Variants in GALNT12 observed in about 807,000 individuals in gnomAD.
The protein encoded by GALNT12 is UDP-GalNAc:polypeptide N-acetylgalactosaminyltransferase 12.
Under a neutral mutation model 55.5 loss-of-function variants are expected in GALNT12, and 45 were observed. The ratio of observed to expected loss-of-function variants is 0.81; its 90% CI spans 0.64 to 1.04. The LOEUF (loss-of-function observed/expected upper bound fraction) is 1.04. Among genes scored for constraint, GALNT12 ranks in the 50% least tolerant of loss-of-function variants. The pLI, the probability that GALNT12 is intolerant of heterozygous loss-of-function variation, is 0.00. For synonymous variants in GALNT12, 304 were observed against 312.2 expected (o/e 0.97, Z 0.28); for missense variants, 709 against 754.8 (o/e 0.94, Z 0.71).
chr9:98,836,125 G>A (rs1001672933), intron 5 of GALNT12, among the ~76,000 whole-genome samples: 8 of 152,182 alleles, frequency 5.3e-5, no homozygotes, highest in Non-Finnish European at 1.0e-4. Flanking sequence ...TAGCTTTAGG[G>A]TGGGACCAAG....
intron 3 of GALNT12, among the ~76,000 whole-genome samples, chr9:98,827,715 G>A (rs1023610323): frequency 1.3e-5 from 2 of 152,168 alleles, no homozygotes; most frequent in Non-Finnish European, 2.9e-5. Flanking sequence ...AGGGAAAAAT[G>A]AATATCATAA....
chr9:98,848,424 C>T (rs779638934), intron 9 of GALNT12, among the ~76,000 whole-genome samples: 6 of 152,138 alleles, frequency 3.9e-5, no homozygotes, highest in Non-Finnish European at 7.4e-5. Context: ...AGAAGACCAT[C>T]GTCTTTGGGG....
chr9:98,808,086 G>A lies in GALNT12; in HGVS notation c.371+17G>A. 1 of 1,558,434 alleles carries A rather than the reference G, an allele frequency of 6.4e-7. No individual in the cohort carries two copies. The highest frequency in any genetic ancestry group is 8.7e-7 in the Non-Finnish European group (1 of 1,153,492). ...GAACCCGCTGTGAGTGCACAGCTCT[G>A]GGGAGGAAGCCCGCCCTCAGAGCCC... On this transcript the variant is annotated intron_variant, in intron 1 of 9. Coordinates refer to ENST00000375011, the MANE Select transcript of GALNT12 (RefSeq NM_024642.5).
At chr9:98,809,250 C>G (rs1390381428) in intron 1 of GALNT12, among the ~76,000 whole-genome samples, 1 of 152,244 alleles carries the variant, frequency 6.6e-6, no homozygotes, top group Admixed American at 6.5e-5. Flanking sequence ...CCACTGTCTT[C>G]CCTGTTTTGG....
At chr9:98,827,985 G>A (rs1024175863) in intron 3 of GALNT12, among the ~76,000 whole-genome samples, 2 of 152,024 alleles carry the variant, frequency 1.3e-5, no homozygotes, top group Admixed American at 1.3e-4. Flanking sequence ...CCCATGCTCT[G>A]CCTCGTCTCT....
chr9:98,808,860 T>A (rs777323719), intron 1 of GALNT12, among the ~76,000 whole-genome samples: 3 of 152,176 alleles, frequency 2.0e-5, no homozygotes, highest in Non-Finnish European at 4.4e-5. Flanking sequence ...GGGCTCTCAC[T>A]TTTTCTTCGA....
At chr9:98,827,003 C>G (rs1239286697) in intron 3 of GALNT12, 62 bp downstream of exon 3, 2 of 1,507,316 alleles carry the variant, frequency 1.3e-6, no homozygotes, top group Non-Finnish European at 9.0e-7. Context: ...GCATGAGGAA[C>G]AGACTCATCA....
intron 1 of GALNT12, among the ~76,000 whole-genome samples, chr9:98,810,984 G>A (rs1438270890): frequency 1.3e-5 from 2 of 152,212 alleles, no homozygotes; most frequent in African/African-American, 4.8e-5. Context: ...ACTCTGAGAT[G>A]ATAGCGGGTC....
Position 98,839,302 on chromosome 9 carries a change from C to T in GALNT12, c.1213-700C>T, listed in dbSNP as rs527576348. 3.9e-5 allele frequency among the ~76,000 whole-genome samples: 6 copies of T among 152,290 alleles called. No individual in the cohort carries two copies. The South Asian group carries it at 1.2e-3, about 32-fold the overall frequency. On this transcript the variant is annotated intron_variant, in intron 6 of 9. Transcript: ENST00000375011. The stretch of plus-strand genomic sequence containing the variant: ...TATTCAAACATGTACTTATTATTAC[C>T]ATTTTGTTCAATATTTAACTTGTCA...
At chr9:98,809,676 A>C (rs1229223177) in intron 1 of GALNT12, among the ~76,000 whole-genome samples, 2 of 152,230 alleles carry the variant, frequency 1.3e-5, no homozygotes, top group Non-Finnish European at 2.9e-5. Flanking sequence ...GTGTGCTTAA[A>C]TCTTAGTTTT....
chr9:98,817,065 A>C (rs1835629132), intron 1 of GALNT12, among the ~76,000 whole-genome samples: 1 of 152,012 alleles, frequency 6.6e-6, no homozygotes, highest in Non-Finnish European at 1.5e-5. Flanking sequence ...TGACCTCGTG[A>C]TTCACCCGCC....
intron 8 of GALNT12, among the ~76,000 whole-genome samples, chr9:98,845,117 C>T (rs927882728): frequency 6.6e-6 from 1 of 152,140 alleles, no homozygotes; most frequent in Non-Finnish European, 1.5e-5. Flanking sequence ...TTTAGAACAG[C>T]CTTCCTCAAA....
intron 7 of GALNT12, among the ~76,000 whole-genome samples, chr9:98,841,610 TTAAC>T (rs1272012361): frequency 6.6e-6 from 1 of 152,178 alleles, no homozygotes; most frequent in Non-Finnish European, 1.5e-5. Context: ...CACTCCCTCA[TTAAC>T]TAAAGCAATT....
chr9:98,816,577 A>C (rs1052756512), intron 1 of GALNT12, among the ~76,000 whole-genome samples: 32 of 152,086 alleles, frequency 2.1e-4, no homozygotes, highest in Non-Finnish European at 1.8e-4. Flanking sequence ...AAGTTTTAGC[A>C]GCATCTTAAG....
chr9:98,811,507 C>A (rs1341347603), intron 1 of GALNT12, among the ~76,000 whole-genome samples: 1 of 152,112 alleles, frequency 6.6e-6, no homozygotes, highest in Non-Finnish European at 1.5e-5. Flanking sequence ...TGTGTGAACA[C>A]CAGCCATTCT....
In GALNT12 at chr9:98,849,963, C is replaced by A; in HGVS notation, c.*871C>A. The A allele has an allele frequency of 4.6e-6, 1 of 218,720 alleles. No homozygotes were observed. The highest frequency in any genetic ancestry group is 9.1e-6 in the Non-Finnish European group (1 of 109,344). 13.5% of individuals were successfully genotyped at this position (218,720 alleles called of 1,614,324 possible). A position where few individuals can be genotyped will look rare whatever the true frequency, so the allele number is the denominator to read the frequency against. On this transcript the variant is annotated 3_prime_UTR_variant, in exon 10 of 10. Transcript: ENST00000375011. Reference sequence around the variant, plus strand: ...ATCAGCGTTAGAGTTTGTGCTGCTGCAACTGCTGTGAAAATTTCTCTGAGT... The same window carrying A: ...ATCAGCGTTAGAGTTTGTGCTGCTGAAACTGCTGTGAAAATTTCTCTGAGT...
chr9:98,836,918 A>G, intron 5 of GALNT12, 54 bp from the exon 6 acceptor site: 1 of 1,582,470 alleles, frequency 6.3e-7, no homozygotes, highest in Non-Finnish European at 8.7e-7. Context: ...GATACTATGG[A>G]CCCGCAGCTC....
Position 98,849,080 on chromosome 9 carries a change from G to A in GALNT12, c.1734G>A (p.Glu578=), listed in dbSNP as rs769553219. The A allele has an allele frequency of 5.6e-6, 9 of 1,614,186 alleles. No homozygotes were observed. The East Asian group carries it at 1.8e-4, about 32-fold the overall frequency. ...NSDHQKWFFK[E]RML is the part of the protein sequence containing the mutation. ...ATCATCAGAAATGGTTCTTCAAAGAGCGCATGTTATGAAGCCTCGTGTATC... is the reference window on the plus strand; with the variant it reads ...ATCATCAGAAATGGTTCTTCAAAGAACGCATGTTATGAAGCCTCGTGTATC... The change falls in exon 10 of 10, where the codon GAG becomes GAA. Residue 578 remains glutamate, a synonymous_variant. Coordinates refer to ENST00000375011, the MANE Select transcript of GALNT12 (RefSeq NM_024642.5).
intron 4 of GALNT12, among the ~76,000 whole-genome samples, chr9:98,832,185 A>G (rs1298158753): frequency 6.6e-6 from 1 of 152,168 alleles, no homozygotes; most frequent in Non-Finnish European, 1.5e-5. Context: ...TTGTGGTAAA[A>G]TATACATCAT....
Sources: allele counts gnomAD v4.1 joint callset (sites outside exome capture counted in the v4.1 genomes callset), GRCh38; gene constraint gnomAD v4.1.1; transcripts MANE v1.5; gene names NCBI Gene and HGNC (gene_info 2026-07-23, HGNC 2026-07-21).